RABEPK: variants seen among roughly 807,000 people sequenced by gnomAD.
RABEPK encodes Rab9 effector protein with kelch motifs.
RABEPK carries 27 observed loss-of-function variants against 34.1 expected under a neutral mutation model. The observed-to-expected ratio is 0.79, with a 90% confidence interval of 0.58 to 1.09. The LOEUF is 1.09. RABEPK is among the 50% of genes least tolerant of loss of function. RABEPK has a pLI of 0.00. For synonymous variants in RABEPK, 172 were observed against 169.2 expected (o/e 1.02, Z -0.13); for missense variants, 449 against 462.6 (o/e 0.97, Z 0.27).
chr9:125,233,149 C>T (rs1371662788), intron 7 of RABEPK, among the ~76,000 whole-genome samples: 2 of 151,402 alleles, frequency 1.3e-5, no homozygotes, highest in East Asian at 3.9e-4. Context: ...TATCTAAATC[C>T]AAAAGAATGA....
intron 4 of RABEPK, among the ~76,000 whole-genome samples, chr9:125,216,080 G>A (rs546467995): frequency 7.2e-5 from 11 of 152,222 alleles, no homozygotes; most frequent in Non-Finnish European, 1.6e-4. Flanking sequence ...ATCACCTGAG[G>A]TCAGGAGTTC....
chr9:125,209,128 T>G (rs1203382157), intron 3 of RABEPK, among the ~76,000 whole-genome samples: 1 of 142,516 alleles, frequency 7.0e-6, no homozygotes, highest in East Asian at 2.1e-4. Context: ...TGCTGCAAAC[T>G]CGGCTTACTG....
chr9:125,201,437 G>A (rs1829897525), intron 1 of RABEPK, among the ~76,000 whole-genome samples: 1 of 152,174 alleles, frequency 6.6e-6, no homozygotes, highest in African/African-American at 2.4e-5. Context: ...GCTATGTTGA[G>A]GCCAAGATTT....
intron 2 of RABEPK, among the ~76,000 whole-genome samples, chr9:125,203,429 C>T (rs1398266323): frequency 1.3e-5 from 2 of 152,178 alleles, no homozygotes; most frequent in East Asian, 1.9e-4. Context: ...GTTCAAACAA[C>T]CCTTTATTCA....
intron 4 of RABEPK, among the ~76,000 whole-genome samples, chr9:125,217,407 A>G (rs1830999872): frequency 6.6e-6 from 1 of 151,806 alleles, no homozygotes; most frequent in Non-Finnish European, 1.5e-5. Flanking sequence ...TTATTTATTT[A>G]TTTTTATTTT....
intron 4 of RABEPK, among the ~76,000 whole-genome samples, chr9:125,219,158 TGTAATA>T (rs1231431528): frequency 1.3e-5 from 2 of 149,162 alleles, no homozygotes; most frequent in Non-Finnish European, 3.0e-5. Context: ...GCTACTGAAA[TGTAATA>T]GTATTGTCTT....
At chr9:125,217,112 C>G (rs1049777210) in intron 4 of RABEPK, among the ~76,000 whole-genome samples, 2 of 152,172 alleles carry the variant, frequency 1.3e-5, no homozygotes, top group Non-Finnish European at 2.9e-5. Flanking sequence ...TATGCACTAA[C>G]TATGACCTTG....
chr9:125,218,547 G>A (rs1053878673), intron 4 of RABEPK, among the ~76,000 whole-genome samples: 2 of 152,106 alleles, frequency 1.3e-5, no homozygotes, highest in South Asian at 2.1e-4. Context: ...TAATGCATCT[G>A]CTTCTATAAA....
intron 4 of RABEPK, among the ~76,000 whole-genome samples, chr9:125,217,873 AG>A (rs1225821362): frequency 1.3e-5 from 2 of 152,166 alleles, no homozygotes; most frequent in African/African-American, 4.8e-5. Context: ...ATATAGGCTG[AG>A]ACTTTTTCAG....
At chr9:125,206,888 G>A (rs902876883) in intron 2 of RABEPK, among the ~76,000 whole-genome samples, 33 of 152,052 alleles carry the variant, frequency 2.2e-4, no homozygotes, top group African/African-American at 8.0e-4. Context: ...TCGGGAGTTC[G>A]AGACCAGCCT....
chr9:125,227,549 G>A (rs948361112), intron 5 of RABEPK, among the ~76,000 whole-genome samples: 1 of 151,648 alleles, frequency 6.6e-6, no homozygotes, highest in Admixed American at 6.6e-5. Flanking sequence ...AGCCTCCCAA[G>A]TAGCTGGGAT....
Position 125,213,495 on chromosome 9 carries a change from C to A in RABEPK, c.337C>A (p.Arg113=). 1 of 1,613,898 alleles carries A rather than the reference C, an allele frequency of 6.2e-7. No homozygotes were observed. The highest frequency in any genetic ancestry group is 1.3e-5 in the African/African-American group (1 of 75,010). The part of the protein sequence containing the change: ...VFGGANQSGN[R]NCLQVLNPET... ...TGGAGGTGCCAACCAATCAGGAAAT[C>A]GAAATTGTCTACAAGTCCTGAATCC... is the stretch of plus-strand genomic sequence containing the variant. The change falls in exon 4 of 8, where the codon CGA becomes AGA. Residue 113 remains arginine, a synonymous_variant. Transcript: ENST00000373538.
Position 125,200,560 on chromosome 9 carries a change from T to C in RABEPK, c.-353T>C. 3 of 389,662 alleles carry C rather than the reference T, an allele frequency of 7.7e-6. No homozygotes were observed. The highest frequency in any genetic ancestry group is 1.6e-5 in the Non-Finnish European group (3 of 186,180). The allele number at this position is 389,662 out of a possible 1,614,324, so 24.1% of individuals were successfully genotyped here. On this transcript the variant is annotated 5_prime_UTR_variant, in exon 1 of 8. Coordinates refer to ENST00000373538, the MANE Select transcript of RABEPK (RefSeq NM_005833.4). ...CCGGGGTGGAGTCACGGCTCGCGAC[T>C]GGCCTAAGTCGCCGCAGGTATTGCA... is the stretch of plus-strand genomic sequence containing the variant.
At chr9:125,216,060 AG>A (rs1830910524) in intron 4 of RABEPK, among the ~76,000 whole-genome samples, 1 of 152,156 alleles carries the variant, frequency 6.6e-6, no homozygotes, top group Non-Finnish European at 1.5e-5. Flanking sequence ...TGGGAGGCTG[AG>A]GTGTACAGAT....
rs1026658832 is a variant in RABEPK at position 125,234,140 on chromosome 9, C to A, written c.*160C>A. ...GCAAATAATTCTTATGTGCACTAAA[C>A]CTTGCTATATTGCCTCTCAGAGCTC... On this transcript the variant is annotated 3_prime_UTR_variant, in exon 8 of 8. Coordinates refer to ENST00000373538, the MANE Select transcript of RABEPK (RefSeq NM_005833.4). The A allele has an allele frequency of 5.4e-6, 4 of 742,684 alleles. No individual in the cohort carries two copies. Among genetic ancestry groups the A allele is most frequent in the African/African-American group, 5.3e-5 (3 of 56,222 alleles). 46.0% of individuals were successfully genotyped at this position (742,684 alleles called of 1,614,324 possible). A position where few individuals can be genotyped will look rare whatever the true frequency, so the allele number is the denominator to read the frequency against.
chr9:125,200,554 C>T lies in RABEPK; in HGVS notation c.-359C>T. 1 of 384,044 alleles carries T rather than the reference C, an allele frequency of 2.6e-6. No individual in the cohort carries two copies. 23.8% of individuals were successfully genotyped at this position (384,044 alleles called of 1,614,324 possible). A position where few individuals can be genotyped will look rare whatever the true frequency, so the allele number is the denominator to read the frequency against. ...GCCCCTCCGGGGTGGAGTCACGGCT[C>T]GCGACTGGCCTAAGTCGCCGCAGGT... On this transcript the variant is annotated 5_prime_UTR_variant, in exon 1 of 8. Transcript: ENST00000373538.
intron 3 of RABEPK, among the ~76,000 whole-genome samples, chr9:125,211,201 C>T (rs1830573733): frequency 6.6e-6 from 1 of 151,468 alleles, no homozygotes; most frequent in Non-Finnish European, 1.5e-5. Flanking sequence ...CGCGCCACTG[C>T]ACTCCAGCCT....
chr9:125,204,391 G>C (rs947673233), intron 2 of RABEPK, among the ~76,000 whole-genome samples: 8 of 152,120 alleles, frequency 5.3e-5, no homozygotes, highest in Non-Finnish European at 1.2e-4. Context: ...AGACCAGTCT[G>C]GCCAACATGG....
At chr9:125,210,174 C>A (rs1189959440) in intron 3 of RABEPK, among the ~76,000 whole-genome samples, 1 of 152,166 alleles carries the variant, frequency 6.6e-6, no homozygotes, top group African/African-American at 2.4e-5. Context: ...GAGGCTGAGG[C>A]GGGCGGATCG....
Sources: allele counts gnomAD v4.1 joint callset (sites outside exome capture counted in the v4.1 genomes callset), GRCh38; gene constraint gnomAD v4.1.1; transcripts MANE v1.5; gene names NCBI Gene and HGNC (gene_info 2026-07-23, HGNC 2026-07-21).